ADCY2: variants seen among roughly 807,000 people sequenced by gnomAD.
The protein encoded by ADCY2 is adenylate cyclase 2, also known as adenylate cyclase type 2.
A neutral mutation model predicts 125.2 loss-of-function variants in ADCY2; 31 were observed. That is an observed-to-expected ratio of 0.25 (90% CI 0.19 to 0.33). The LOEUF (loss-of-function observed/expected upper bound fraction) is 0.33. Ranked by LOEUF, ADCY2 falls within the 10% of genes least tolerant of loss-of-function variation. The pLI is 1.00. For synonymous variants in ADCY2, 512 were observed against 548.4 expected, an observed-to-expected ratio of 0.93 and a Z score of 0.93; for missense variants, 904 against 1,418.2, an observed-to-expected ratio of 0.64 and a Z score of 5.82.
chr5:7,651,136 CTGTT>C (rs1207965966), intron 4 of ADCY2, among the ~76,000 whole-genome samples: 3 of 152,152 alleles, frequency 2.0e-5, no homozygotes, highest in Non-Finnish European at 4.4e-5. Context: ...TTCTTTAAAA[CTGTT>C]TGTCCAGCAA....
rs78784753 is a variant in ADCY2 at position 7,503,699 on chromosome 5, A to G, written c.409-17039A>G. Among the ~76,000 whole-genome samples, 823 of 152,342 alleles carry G rather than the reference A, an allele frequency of 5.4e-3. 5 individuals carry two copies. The highest frequency in any genetic ancestry group is 0.019 in the African/African-American group (788 of 41,584). On this transcript the variant is annotated intron_variant, in intron 2 of 24. Coordinates refer to ENST00000338316, the MANE Select transcript of ADCY2 (RefSeq NM_020546.3). ...TCGATGACTATTAACATAGAGAGGA[A>G]GAAAGCATGGCCCACGCAGCTGTGG...
At chr5:7,772,500 A>G (rs1275896861) in intron 17 of ADCY2, among the ~76,000 whole-genome samples, 1 of 152,192 alleles carries the variant, frequency 6.6e-6, no homozygotes, top group Non-Finnish European at 1.5e-5. Flanking sequence ...AGCTATCTGT[A>G]ATGATTTATA....
chr5:7,446,366 T>G (rs1331685666), intron 2 of ADCY2, among the ~76,000 whole-genome samples: 1 of 152,190 alleles, frequency 6.6e-6, no homozygotes, highest in African/African-American at 2.4e-5. Context: ...AATTTCATGA[T>G]GTGTGATATC....
chr5:7,473,907 C>G (rs1742428236), intron 2 of ADCY2, among the ~76,000 whole-genome samples: 1 of 152,194 alleles, frequency 6.6e-6, no homozygotes, highest in Admixed American at 6.5e-5. Flanking sequence ...AGCCCTGGGT[C>G]TTAGCAGTTC....
chr5:7,719,573 C>T (rs1741697819), intron 12 of ADCY2, among the ~76,000 whole-genome samples: 1 of 152,146 alleles, frequency 6.6e-6, no homozygotes, highest in Admixed American at 6.6e-5. Flanking sequence ...CAGATTTTTG[C>T]TTATTCATTC....
intron 11 of ADCY2, among the ~76,000 whole-genome samples, chr5:7,713,645 C>A (rs957771274): frequency 3.9e-5 from 6 of 152,172 alleles, no homozygotes; most frequent in East Asian, 1.9e-4. Context: ...TCTCCACACG[C>A]CCTGTCGCAG....
chr5:7,640,005 C>T (rs1738638305), intron 4 of ADCY2, among the ~76,000 whole-genome samples: 1 of 152,044 alleles, frequency 6.6e-6, no homozygotes, highest in Non-Finnish European at 1.5e-5. Context: ...AACACAAGCT[C>T]GACATCATCC....
At chr5:7,685,928 T>C (rs1740507111) in intron 4 of ADCY2, among the ~76,000 whole-genome samples, 1 of 152,226 alleles carries the variant, frequency 6.6e-6, no homozygotes, top group African/African-American at 2.4e-5. Context: ...GTCCACTCTG[T>C]TAGCTACTTT....
chr5:7,689,350 T>TG (rs5865728), intron 4 of ADCY2, among the ~76,000 whole-genome samples: 25,767 of 152,190 alleles, frequency 0.17, 2,478 homozygotes, highest in Admixed American at 0.33. Flanking sequence ...TCAAAGGGCA[T>TG]GGCATTTATT....
intron 2 of ADCY2, among the ~76,000 whole-genome samples, chr5:7,428,874 C>T (rs981731688): frequency 3.3e-5 from 5 of 152,080 alleles, no homozygotes; most frequent in East Asian, 1.9e-4. Context: ...GGAGAGAGTC[C>T]GTGGGCTGTG....
At chr5:7,551,552 T>G (rs1355556946) in intron 3 of ADCY2, among the ~76,000 whole-genome samples, 1 of 152,204 alleles carries the variant, frequency 6.6e-6, no homozygotes, top group Non-Finnish European at 1.5e-5. Flanking sequence ...TAAGAATACA[T>G]TAATAATTTT....
At chr5:7,658,795 C>G (rs1739430574) in intron 4 of ADCY2, among the ~76,000 whole-genome samples, 1 of 152,122 alleles carries the variant, frequency 6.6e-6, no homozygotes, top group African/African-American at 2.4e-5. Flanking sequence ...ACATGCTGGA[C>G]CGAGGGAAGA....
rs114743282 is a variant in ADCY2, at chr5:7,565,667, T to C, written c.570+44768T>C. On this transcript the variant is annotated intron_variant, in intron 3 of 24. Transcript: ENST00000338316. ...GCACAGAGTCCAGGGGGCATGTGTC[T>C]ATATAACAATGTAGACCAGTATCTG... Among the ~76,000 whole-genome samples, 334 of 152,322 alleles carry C rather than the reference T, an allele frequency of 2.2e-3. 2 individuals are homozygous for C. The highest frequency in any genetic ancestry group is 7.4e-3 in the African/African-American group (306 of 41,584).
rs533448363 is a variant in ADCY2 at position 7,829,363 on chromosome 5, A to G, written c.*2492A>G. On this transcript the variant is annotated 3_prime_UTR_variant, in exon 25 of 25. Coordinates refer to ENST00000338316, the MANE Select transcript of ADCY2 (RefSeq NM_020546.3). Reference sequence around the variant, plus strand: ...CAGGCACATGTGTTCAGAGTTCCACAGTTGATTAGCAGTTGAGGCCAGGCT... The same window carrying G: ...CAGGCACATGTGTTCAGAGTTCCACGGTTGATTAGCAGTTGAGGCCAGGCT... 2.0e-5 allele frequency: 3 copies of G among 152,734 alleles called. No individual in the cohort carries two copies. The South Asian group carries it at 6.2e-4, about 32-fold the overall frequency. 9.5% of individuals were successfully genotyped at this position (152,734 alleles called of 1,614,324 possible).
chr5:7,511,641 T>G lies in ADCY2; in HGVS notation c.409-9097T>G, dbSNP rs558492851. On this transcript the variant is annotated intron_variant, in intron 2 of 24. Coordinates refer to ENST00000338316, the MANE Select transcript of ADCY2 (RefSeq NM_020546.3). ...ACGAGGGGTTTTTTAGATAGGGAGA[T>G]CAGGGGGATTCTCTCTGGGGAGGTG... Among the ~76,000 whole-genome samples the G allele has an allele frequency of 2.0e-5, 3 of 151,804 alleles. No individual in the cohort carries two copies. The East Asian group carries it at 5.8e-4, about 29-fold the overall frequency.
intron 3 of ADCY2, among the ~76,000 whole-genome samples, chr5:7,532,794 T>A (rs911512003): frequency 6.6e-6 from 1 of 152,098 alleles, no homozygotes; most frequent in African/African-American, 2.4e-5. Flanking sequence ...CCTCAATAGG[T>A]CATGTTGTGT....
chr5:7,480,612 G>T (rs1012349698), intron 2 of ADCY2, among the ~76,000 whole-genome samples: 1 of 152,100 alleles, frequency 6.6e-6, no homozygotes, highest in Non-Finnish European at 1.5e-5. Context: ...AGGGTGAAGA[G>T]TGGGAGAAGG....
chr5:7,439,053 CTGT>C (rs1198610011), intron 2 of ADCY2, among the ~76,000 whole-genome samples: 1 of 152,192 alleles, frequency 6.6e-6, no homozygotes, highest in African/African-American at 2.4e-5. Context: ...GTGCATTTCT[CTGT>C]TGTTGGTGTG....
intron 13 of ADCY2, among the ~76,000 whole-genome samples, chr5:7,726,500 G>A (rs895373696): frequency 1.1e-4 from 16 of 152,150 alleles, no homozygotes; most frequent in Admixed American, 4.6e-4. Flanking sequence ...CCTAAGTAAA[G>A]CAGGGTCAGA....
Sources: gnomAD v4.1 joint callset for allele counts (sites outside exome capture counted in the v4.1 genomes callset) on GRCh38, gnomAD v4.1.1 for gene constraint, MANE v1.5 for transcripts, NCBI Gene and HGNC (gene_info 2026-07-23, HGNC 2026-07-21) for gene names.